OLFM2: variants seen among roughly 807,000 people sequenced by gnomAD.
OLFM2 encodes the protein noelin-2.
OLFM2 carries 20 observed loss-of-function variants against 43.9 expected under a neutral mutation model. That is an observed-to-expected ratio of 0.46 (90% confidence interval 0.32 to 0.66). The LOEUF (loss-of-function observed/expected upper bound fraction) is 0.66, where lower values mean the gene tolerates loss of function less well. Among genes scored for constraint, OLFM2 ranks in the 30% least tolerant of loss-of-function variants. The pLI, the probability that OLFM2 is intolerant of heterozygous loss-of-function variation, is 0.04. For missense variants in OLFM2, 416 were observed against 643.6 expected (o/e 0.65, Z 3.83); for synonymous variants, 268 against 278.6 (o/e 0.96, Z 0.38).
In OLFM2 at chr19:9,897,645, G is replaced by A. The variant is rs759976963; in HGVS notation, c.64-36851C>T. Among the ~76,000 whole-genome samples, 9 of 152,106 alleles carry A rather than the reference G, an allele frequency of 5.9e-5. No homozygotes were observed. The South Asian group carries it at 6.2e-4, about 11-fold the overall frequency. On this transcript the variant is annotated intron_variant, in intron 1 of 5. Coordinates refer to ENST00000264833, the MANE Select transcript of OLFM2 (RefSeq NM_058164.4). The stretch of plus-strand genomic sequence containing the variant: ...GACCTCAGGGGCTGAGCTCCCTCCC[G>A]GTCTCAGTAAAGGTCAGAGCAAAAA...
At chr19:9,919,176 C>CTCTT (rs1555728853) in intron 1 of OLFM2, among the ~76,000 whole-genome samples, 1 of 149,180 alleles carries the variant, frequency 6.7e-6, no homozygotes, top group Non-Finnish European at 1.5e-5. Flanking sequence ...ATTTCTCTCT[C>CTCTT]TTTTTTTTGA....
intron 1 of OLFM2, among the ~76,000 whole-genome samples, chr19:9,915,587 G>A (rs1434035220): frequency 6.6e-6 from 1 of 151,618 alleles, no homozygotes; most frequent in South Asian, 2.1e-4. Flanking sequence ...GCGTGATCTC[G>A]GCTCACTGCA....
At chr19:9,924,933 A>G (rs951406035) in intron 1 of OLFM2, among the ~76,000 whole-genome samples, 7 of 151,756 alleles carry the variant, frequency 4.6e-5, no homozygotes, top group African/African-American at 1.7e-4. Flanking sequence ...TATGATTGAT[A>G]TATATATATG....
chr19:9,907,202 T>C (rs1238369622), intron 1 of OLFM2, among the ~76,000 whole-genome samples: 1 of 152,198 alleles, frequency 6.6e-6, no homozygotes, highest in Non-Finnish European at 1.5e-5. Context: ...ACGCCTGTAA[T>C]CCCAGCACTT....
intron 2 of OLFM2, among the ~76,000 whole-genome samples, chr19:9,859,792 TCTTC>T (rs1043944985): frequency 1.3e-5 from 2 of 152,068 alleles, no homozygotes; most frequent in African/African-American, 4.8e-5. Flanking sequence ...GCCCCTCCAG[TCTTC>T]CTTCCTTCCC....
In OLFM2 at chr19:9,903,070, T is replaced by C. The variant is rs2046754580; in HGVS notation, c.63+33234A>G. Among the ~76,000 whole-genome samples, 2 of 152,152 alleles carry C rather than the reference T, an allele frequency of 1.3e-5. 1 individual carries two copies. The highest frequency in any genetic ancestry group is 4.1e-4 in the South Asian group (2 of 4,834). On this transcript the variant is annotated intron_variant, in intron 1 of 5. Transcript: ENST00000264833. ...CATGCCTGGCTGATTTTTACATATT[T>C]TGTTGTAGAGACAGGATCTCACAAT...
At chr19:9,916,687 C>G (rs1332947504) in intron 1 of OLFM2, among the ~76,000 whole-genome samples, 1 of 152,142 alleles carries the variant, frequency 6.6e-6, no homozygotes, top group Non-Finnish European at 1.5e-5. Context: ...TGGGAAACTG[C>G]CTTAGTTCAG....
chr19:9,854,947 A>G lies in OLFM2; in HGVS notation c.688-84T>C, dbSNP rs1391864775. 1.9e-6 allele frequency: 2 copies of G among 1,058,506 alleles called. No individual in the cohort carries two copies. The highest frequency in any genetic ancestry group is 5.5e-5 in the Admixed American group (2 of 36,194). 65.6% of individuals were successfully genotyped at this position (1,058,506 alleles called of 1,614,324 possible). ...GCACCAGCTACAGCCATTAGAGTTC[A>G]ACAGTCACTAAGTGGTCATTAGTCA... On this transcript the variant is annotated intron_variant, in intron 5 of 5. Coordinates refer to ENST00000264833, the MANE Select transcript of OLFM2 (RefSeq NM_058164.4). The surrounding 1 kb of genome is among the most constrained non-coding windows in gnomAD (Gnocchi z 9.5).
intron 1 of OLFM2, among the ~76,000 whole-genome samples, chr19:9,918,660 A>G (rs1337403380): frequency 6.6e-6 from 1 of 152,240 alleles, no homozygotes; most frequent in African/African-American, 2.4e-5. Flanking sequence ...CGGTACATCC[A>G]TACAATGGAA....
chr19:9,922,077 G>C (rs1241476202), intron 1 of OLFM2, among the ~76,000 whole-genome samples: 5 of 148,870 alleles, frequency 3.4e-5, no homozygotes. Context: ...CTGGGCAACA[G>C]AGTGAGACCC....
intron 1 of OLFM2, among the ~76,000 whole-genome samples, chr19:9,922,502 C>T (rs993246663): frequency 4.6e-5 from 7 of 152,180 alleles, no homozygotes; most frequent in African/African-American, 9.6e-5. Context: ...GGGAGGATCA[C>T]TTGAGCCCAG....
At chr19:9,915,797 C>T (rs1002048731) in intron 1 of OLFM2, among the ~76,000 whole-genome samples, 3 of 152,060 alleles carry the variant, frequency 2.0e-5, no homozygotes, top group African/African-American at 4.8e-5. Flanking sequence ...GAATTAGAGG[C>T]GTGAACCACC....
At chr19:9,884,210 C>T (rs2046565933) in intron 1 of OLFM2, among the ~76,000 whole-genome samples, 1 of 147,960 alleles carries the variant, frequency 6.8e-6, no homozygotes, top group Admixed American at 6.9e-5. Flanking sequence ...GTTGAGGCTG[C>T]AATGAGCTGT....
chr19:9,869,105 G>A (rs2046424588), intron 1 of OLFM2, among the ~76,000 whole-genome samples: 1 of 150,898 alleles, frequency 6.6e-6, no homozygotes, highest in Admixed American at 6.7e-5. Context: ...CGGGCCATAA[G>A]TTTGGCTCCA....
At chr19:9,922,294 A>T (rs60052891) in intron 1 of OLFM2, among the ~76,000 whole-genome samples, 2,276 of 147,000 alleles carry the variant, frequency 0.015, 52 homozygotes, top group African/African-American at 0.054. Context: ...ACACACACAC[A>T]TTCCTACAAA....
At chr19:9,862,375 T>C (rs2046370785) in intron 1 of OLFM2, among the ~76,000 whole-genome samples, 1 of 151,868 alleles carries the variant, frequency 6.6e-6, no homozygotes, top group Non-Finnish European at 1.5e-5. Context: ...CAAATCCTGA[T>C]CAATGTCTGG....
chr19:9,898,123 G>A (rs1047513193), intron 1 of OLFM2, among the ~76,000 whole-genome samples: 5 of 149,518 alleles, frequency 3.3e-5, no homozygotes, highest in African/African-American at 9.8e-5. Flanking sequence ...GTTGGTCAGG[G>A]TGGTCTCGAA....
intron 1 of OLFM2, among the ~76,000 whole-genome samples, chr19:9,903,164 G>C (rs918539): frequency 0.57 from 86,531 of 152,054 alleles, 24,803 homozygotes; most frequent in Admixed American, 0.64. Context: ...AAAGCGCTGA[G>C]ATAATAGGTA....
At chr19:9,897,003 G>A (rs749173803) in intron 1 of OLFM2, among the ~76,000 whole-genome samples, 8 of 152,028 alleles carry the variant, frequency 5.3e-5, no homozygotes, top group Non-Finnish European at 1.2e-4. Flanking sequence ...ACCAGCCCGG[G>A]CAACATAGCG....
Sources: allele counts gnomAD v4.1 joint callset (sites outside exome capture counted in the v4.1 genomes callset), GRCh38; gene constraint gnomAD v4.1.1; non-coding constraint Gnocchi (gnomAD v3.1); transcripts MANE v1.5; gene names NCBI Gene and HGNC (gene_info 2026-07-23, HGNC 2026-07-21).